The following ANKS1B variants were observed in gnomAD, a reference collection of about 807,000 sequenced individuals.
ANKS1B encodes ankyrin repeat and sterile alpha motif domain containing 1B.
ANKS1B carries 36 observed loss-of-function variants against 148.3 expected under a neutral mutation model. That is an observed-to-expected ratio of 0.24 (90% CI 0.19 to 0.32). The LOEUF (loss-of-function observed/expected upper bound fraction) is 0.32. Ranked by LOEUF, ANKS1B falls within the 10% of genes least tolerant of loss-of-function variation. The pLI is 1.00. For synonymous variants in ANKS1B, 542 were observed against 560.8 expected (o/e 0.97, Z 0.47); for missense variants, 1,157 against 1,542.6 (o/e 0.75, Z 4.19).
chr12:99,553,950 T>C lies in ANKS1B; in HGVS notation c.1273-49309A>G, dbSNP rs116629506. ...TCTACTGTGTCTCAATCCTGGGACT[T>C]TTTGGACAATTGAGAAACATTTTTT... is the stretch of plus-strand genomic sequence containing the variant. On this transcript the variant is annotated intron_variant, in intron 9 of 26. Coordinates refer to ENST00000683438, the MANE Select transcript of ANKS1B (RefSeq NM_001352186.2). Among the ~76,000 whole-genome samples the C allele has an allele frequency of 2.1e-3, 322 of 152,296 alleles. 1 individual carries two copies. The highest frequency in any genetic ancestry group is 7.5e-3 in the African/African-American group (312 of 41,562).
chr12:98,867,149 C>A (rs201385), intron 17 of ANKS1B, among the ~76,000 whole-genome samples: 30,209 of 151,978 alleles, frequency 0.2, 3,877 homozygotes, highest in East Asian at 0.5. Context: ...GGCAGCCACC[C>A]AGAGGAGTAG....
At chr12:99,914,584 T>C (rs2094111379) in intron 1 of ANKS1B, among the ~76,000 whole-genome samples, 1 of 152,068 alleles carries the variant, frequency 6.6e-6, no homozygotes, top group African/African-American at 2.4e-5. Context: ...TCAGCTAACA[T>C]ACTATACTGA....
intron 16 of ANKS1B, among the ~76,000 whole-genome samples, chr12:99,062,000 G>A (rs2042604931): frequency 6.6e-6 from 1 of 152,144 alleles, no homozygotes; most frequent in South Asian, 2.1e-4. Flanking sequence ...CCAGGTAAAA[G>A]AGAAAAGAAA....
chr12:99,848,870 G>T (rs926727661), intron 1 of ANKS1B, among the ~76,000 whole-genome samples: 19 of 151,922 alleles, frequency 1.3e-4, no homozygotes, highest in African/African-American at 4.6e-4. Flanking sequence ...GCCATAAAAA[G>T]AACAAAATCA....
chr12:99,068,995 C>A (rs2045437778), intron 16 of ANKS1B, among the ~76,000 whole-genome samples: 1 of 152,212 alleles, frequency 6.6e-6, no homozygotes, highest in African/African-American at 2.4e-5. Flanking sequence ...ACATATCTAT[C>A]TCTGTCTAAA....
At chr12:99,686,634 G>C (rs746726392) in intron 8 of ANKS1B, among the ~76,000 whole-genome samples, 4 of 152,058 alleles carry the variant, frequency 2.6e-5, no homozygotes, top group Non-Finnish European at 4.4e-5. Flanking sequence ...AAGAAAATAA[G>C]TATGACAATT....
chr12:99,112,684 T>C (rs1380068051), intron 15 of ANKS1B, among the ~76,000 whole-genome samples: 1 of 152,174 alleles, frequency 6.6e-6, no homozygotes, highest in Non-Finnish European at 1.5e-5. Context: ...TGAACTCATC[T>C]GACACCCACA....
At chr12:98,883,618 A>G (rs74981177) in intron 17 of ANKS1B, among the ~76,000 whole-genome samples, 132 of 152,330 alleles carry the variant, frequency 8.7e-4, no homozygotes, top group Non-Finnish European at 1.7e-3. Flanking sequence ...TCTTCAAATT[A>G]TTGCATGGAA....
intron 17 of ANKS1B, among the ~76,000 whole-genome samples, chr12:98,876,229 G>A (rs191938886): frequency 1.3e-5 from 2 of 152,248 alleles, no homozygotes; most frequent in East Asian, 3.9e-4. Flanking sequence ...GTTGCCACAG[G>A]CACCACATGT....
chr12:99,663,033 T>G (rs2098485331), intron 8 of ANKS1B, among the ~76,000 whole-genome samples: 1 of 152,154 alleles, frequency 6.6e-6, no homozygotes, highest in African/African-American at 2.4e-5. Flanking sequence ...GAACTATTAT[T>G]TTGTCAATTT....
intron 14 of ANKS1B, among the ~76,000 whole-genome samples, chr12:99,155,750 T>G (rs2075965029): frequency 6.6e-6 from 1 of 152,206 alleles, no homozygotes; most frequent in Non-Finnish European, 1.5e-5. Flanking sequence ...AAGGTTAGTC[T>G]AACCTTCTTC....
At chr12:98,856,173 T>G (rs2099570439) in intron 17 of ANKS1B, among the ~76,000 whole-genome samples, 1 of 152,250 alleles carries the variant, frequency 6.6e-6, no homozygotes, top group African/African-American at 2.4e-5. Context: ...ATCTGAGGCC[T>G]GCTACATCAT....
intron 2 of ANKS1B, among the ~76,000 whole-genome samples, chr12:99,813,337 T>C (rs1002269175): frequency 6.6e-6 from 1 of 151,374 alleles, no homozygotes; most frequent in Non-Finnish European, 1.5e-5. Flanking sequence ...AAGAAGCAAA[T>C]TCTATTAACT....
chr12:99,466,350 T>C (rs1246926177), intron 10 of ANKS1B, among the ~76,000 whole-genome samples: 2 of 151,922 alleles, frequency 1.3e-5, no homozygotes, highest in South Asian at 2.1e-4. Context: ...AGATCCAAAA[T>C]TGACACCCTA....
At chr12:99,112,605 TCAGGTACTGTACATAATATGTAC>T (rs1354197299) in intron 15 of ANKS1B, among the ~76,000 whole-genome samples, 2 of 152,064 alleles carry the variant, frequency 1.3e-5, no homozygotes, top group Non-Finnish European at 2.9e-5. Context: ...CTGTTATGTA[TCAGGTACTGTACATAATATGTAC>T]CAGGTACATA....
intron 12 of ANKS1B, among the ~76,000 whole-genome samples, chr12:99,277,451 G>T (rs1312902299): frequency 6.6e-6 from 1 of 152,132 alleles, no homozygotes; most frequent in Non-Finnish European, 1.5e-5. Flanking sequence ...CAGCAGAAAA[G>T]GGTCTGTGAA....
At chr12:99,478,627 G>A (rs2096363946) in intron 10 of ANKS1B, among the ~76,000 whole-genome samples, 1 of 152,086 alleles carries the variant, frequency 6.6e-6, no homozygotes, top group South Asian at 2.1e-4. Context: ...TGTAGTGAGT[G>A]AGAAAGATTT....
rs1043707243 is a variant in ANKS1B, at chr12:99,015,659, G to A, written c.2778+37498C>T. On this transcript the variant is annotated intron_variant, in intron 17 of 26. Coordinates refer to ENST00000683438, the MANE Select transcript of ANKS1B (RefSeq NM_001352186.2). ...AGGTGGGCGGATCAGGAGGTCAGGC[G>A]ATCTAGACCATCCTGGCTAACACGA... is the stretch of plus-strand genomic sequence containing the variant. 3.3e-5 allele frequency among the ~76,000 whole-genome samples: 5 copies of A among 152,202 alleles called. No individual in the cohort carries two copies. The South Asian group carries it at 6.2e-4, about 19-fold the overall frequency.
At chr12:99,333,296 G>A (rs2087954934) in intron 12 of ANKS1B, among the ~76,000 whole-genome samples, 1 of 152,000 alleles carries the variant, frequency 6.6e-6, no homozygotes, top group African/African-American at 2.4e-5. Context: ...GAAAGTTATT[G>A]CAATAATTTA....
Sources: gnomAD v4.1 joint callset for allele counts (sites outside exome capture counted in the v4.1 genomes callset) on GRCh38, gnomAD v4.1.1 for gene constraint, MANE v1.5 for transcripts, NCBI Gene and HGNC (gene_info 2026-07-23, HGNC 2026-07-21) for gene names.